The following REDIC1 variants were observed in gnomAD, a reference collection of about 807,000 sequenced individuals.
REDIC1 encodes the protein HEI10 Interacting Protein 1.
At chr12:39,840,391 C>T in the REDIC1 span, among the ~76,000 whole-genome samples, 1 of 152,028 alleles carries the variant, frequency 6.6e-6, no homozygotes. Flanking sequence ...GATTTCTCTG[C>T]TTTTTAAATC....
chr12:39,684,869 G>A, the REDIC1 span: 28 of 1,608,908 alleles, frequency 1.7e-5, no homozygotes, highest in African/African-American at 2.4e-4. Context: ...ATCCTTAGGG[G>A]AAATATACCT....
chr12:39,900,792 C>T, the REDIC1 span, among the ~76,000 whole-genome samples: 2 of 152,100 alleles, frequency 1.3e-5, no homozygotes, highest in African/African-American at 4.8e-5. Context: ...CAATGCCATC[C>T]CCATCAGGCT....
At chr12:39,817,109 C>T in the REDIC1 span, among the ~76,000 whole-genome samples, 1 of 152,066 alleles carries the variant, frequency 6.6e-6, no homozygotes, top group African/African-American at 2.4e-5. Context: ...CAGAGAACAT[C>T]TCATTCAACT....
the REDIC1 span, among the ~76,000 whole-genome samples, chr12:39,714,666 T>A: frequency 6.6e-6 from 1 of 151,902 alleles, no homozygotes; most frequent in Non-Finnish European, 1.5e-5. Context: ...GCTGTACTAG[T>A]TTACATTCCC....
At chr12:39,891,763 T>G in the REDIC1 span, among the ~76,000 whole-genome samples, 1 of 152,206 alleles carries the variant, frequency 6.6e-6, no homozygotes, top group Non-Finnish European at 1.5e-5. Context: ...CTCAGTCCCC[T>G]AAATCACATT....
chr12:39,644,699 A>C, the REDIC1 span, among the ~76,000 whole-genome samples: 120,305 of 151,698 alleles, frequency 0.79, 48,429 homozygotes, highest in Non-Finnish European at 0.86. Context: ...GGATTTTGAG[A>C]ATAAAACTTA....
At chr12:39,721,127 T>TA in the REDIC1 span, 1 of 1,613,650 alleles carries the variant, frequency 6.2e-7, no homozygotes, top group Non-Finnish European at 8.5e-7. Flanking sequence ...GATGTTGCCA[T>TA]ACAGTGTGAT....
chr12:39,784,010 G>A, the REDIC1 span, among the ~76,000 whole-genome samples: 3 of 152,072 alleles, frequency 2.0e-5, no homozygotes, highest in Admixed American at 6.5e-5. Flanking sequence ...TAGGAATCCA[G>A]CTTACAAGGG....
the REDIC1 span, among the ~76,000 whole-genome samples, chr12:39,807,995 C>A: frequency 6.6e-6 from 1 of 152,032 alleles, no homozygotes; most frequent in African/African-American, 2.4e-5. Context: ...GTATAATATA[C>A]AAAATATAAA....
the REDIC1 span, among the ~76,000 whole-genome samples, chr12:39,672,075 A>G: frequency 6.6e-6 from 1 of 152,004 alleles, no homozygotes; most frequent in Non-Finnish European, 1.5e-5. Context: ...TGGAAGGCAT[A>G]CAAGTGGCAC....
chr12:39,890,520 T>A, the REDIC1 span, among the ~76,000 whole-genome samples: 1 of 152,092 alleles, frequency 6.6e-6, no homozygotes, highest in African/African-American at 2.4e-5. Context: ...AGCATGAGAG[T>A]CTTAATAGTA....
chr12:39,783,388 C>T, the REDIC1 span, among the ~76,000 whole-genome samples: 53 of 152,316 alleles, frequency 3.5e-4, no homozygotes, highest in Non-Finnish European at 6.2e-4. Flanking sequence ...ATATACCCAG[C>T]AATGGGATGG....
the REDIC1 span, chr12:39,643,952 G>A: frequency 4.9e-6 from 7 of 1,439,490 alleles, no homozygotes; most frequent in Non-Finnish European, 6.6e-6. Flanking sequence ...TTTTGAACTT[G>A]ATGTGATCAT....
the REDIC1 span, among the ~76,000 whole-genome samples, chr12:39,833,892 TAAA>T: frequency 4.5e-5 from 4 of 88,378 alleles, no homozygotes; most frequent in Admixed American, 1.2e-4. Flanking sequence ...AGCATGGTCA[TAAA>T]AAAAAAAAAA....
chr12:39,682,697 A>T, the REDIC1 span: 1 of 1,612,654 alleles, frequency 6.2e-7, no homozygotes, highest in African/African-American at 1.3e-5. Context: ...AGACAGTCAG[A>T]CTACATTACT....
chr12:39,896,185 T>A, the REDIC1 span, among the ~76,000 whole-genome samples: 5 of 148,872 alleles, frequency 3.4e-5, no homozygotes, highest in Non-Finnish European at 7.5e-5. Flanking sequence ...TATGTATATA[T>A]GTATATATGT....
the REDIC1 span, among the ~76,000 whole-genome samples, chr12:39,835,957 G>A: frequency 6.6e-6 from 1 of 152,110 alleles, no homozygotes; most frequent in Non-Finnish European, 1.5e-5. Context: ...CGTGGTGAAA[G>A]CCACAAATAT....
chr12:39,639,923 A>T, the REDIC1 span, among the ~76,000 whole-genome samples: 1 of 151,952 alleles, frequency 6.6e-6, no homozygotes, highest in Non-Finnish European at 1.5e-5. Flanking sequence ...TAATACTGTC[A>T]TGAATATTTT....
chr12:39,704,452 G>A, the REDIC1 span, among the ~76,000 whole-genome samples: 3 of 152,246 alleles, frequency 2.0e-5, no homozygotes, highest in Admixed American at 6.5e-5. Context: ...GGAGAAATAG[G>A]AACACTTTTA....
Sources: gnomAD v4.1 joint callset for allele counts (sites outside exome capture counted in the v4.1 genomes callset) on GRCh38, gnomAD v4.1.1 for gene constraint, MANE v1.5 for transcripts, NCBI Gene and HGNC (gene_info 2026-07-23, HGNC 2026-07-21) for gene names.